Variants in NCKAP5 observed in about 807,000 individuals in gnomAD.
NCKAP5 encodes the protein nck-associated protein 5.
Under a neutral mutation model 167.0 loss-of-function variants are expected in NCKAP5, and 92 were observed. The observed-to-expected ratio is 0.55, with a 90% CI of 0.47 to 0.66. The LOEUF is 0.66. Ranked by LOEUF, NCKAP5 falls within the 30% of genes least tolerant of loss-of-function variation. The pLI is 0.00. For synonymous variants in NCKAP5, 891 were observed against 877.4 expected (o/e 1.02, Z -0.27); for missense variants, 2,378 against 2,315.0 (o/e 1.03, Z -0.56).
chr2:133,168,380 C>T (rs10190263), intron 5 of NCKAP5, among the ~76,000 whole-genome samples: 9,398 of 151,588 alleles, frequency 0.062, 372 homozygotes, highest in East Asian at 0.17. Context: ...AACACTTTCC[C>T]TAATGGACTA....
At chr2:132,738,018 A>C (rs1691682099) in intron 16 of NCKAP5, among the ~76,000 whole-genome samples, 1 of 152,210 alleles carries the variant, frequency 6.6e-6, no homozygotes, top group Non-Finnish European at 1.5e-5. Flanking sequence ...AATGAAAAAC[A>C]ATAAACCTTT....
At chr2:133,073,206 G>C (rs978585524) in intron 6 of NCKAP5, among the ~76,000 whole-genome samples, 1 of 152,046 alleles carries the variant, frequency 6.6e-6, no homozygotes, top group African/African-American at 2.4e-5. Flanking sequence ...GTGTCTGTAG[G>C]CTAGAGTAGA....
chr2:133,527,280 T>C (rs1213975373), intron 2 of NCKAP5: 2 of 152,170 alleles, frequency 1.3e-5, no homozygotes, highest in African/African-American at 2.4e-5. Flanking sequence ...TCCCCACACA[T>C]TGCAGAATTC....
In NCKAP5 at chr2:133,178,800, G is replaced by T. The variant is rs2084594850; in HGVS notation, c.207+34916C>A. 2.1e-5 allele frequency among the ~76,000 whole-genome samples: 3 copies of T among 142,270 alleles called. No homozygotes were observed. In the South Asian group the frequency reaches 6.8e-4, roughly 32 times the overall value. 93.3% of individuals were successfully genotyped at this position (142,270 alleles called of 152,430 possible). A position where few individuals can be genotyped will look rare whatever the true frequency, so the allele number is the denominator to read the frequency against. On this transcript the variant is annotated intron_variant, in intron 5 of 19. Coordinates refer to ENST00000409261, the MANE Select transcript of NCKAP5 (RefSeq NM_207363.3). ...AGATAGCGCCACTGCACTCCAGCCTGGGCAACAGAGCAAGGCAAGACTCCG... is the reference window on the plus strand; with the variant it reads ...AGATAGCGCCACTGCACTCCAGCCTTGGCAACAGAGCAAGGCAAGACTCCG...
chr2:133,394,987 A>G (rs575738517), intron 3 of NCKAP5, among the ~76,000 whole-genome samples: 1 of 152,358 alleles, frequency 6.6e-6, no homozygotes, highest in East Asian at 1.9e-4. Flanking sequence ...AGGTAAAGAA[A>G]ATGTTTAGCA....
intron 3 of NCKAP5, among the ~76,000 whole-genome samples, chr2:133,382,676 G>C (rs775466151): frequency 7.2e-4 from 110 of 152,158 alleles, no homozygotes; most frequent in Non-Finnish European, 1.0e-3. Context: ...CACTGAATAT[G>C]TTACTTCTCA....
At chr2:133,352,269 T>G (rs1684415912) in intron 3 of NCKAP5, among the ~76,000 whole-genome samples, 1 of 152,226 alleles carries the variant, frequency 6.6e-6, no homozygotes. Flanking sequence ...ACTCCCTGAC[T>G]AGAATGGAAG....
At chr2:133,036,046 A>G (rs188095257) in intron 6 of NCKAP5, among the ~76,000 whole-genome samples, 247 of 152,080 alleles carry the variant, frequency 1.6e-3, no homozygotes, top group Admixed American at 2.4e-3. Flanking sequence ...ACTATGAGCA[A>G]CTATATGTCA....
intron 6 of NCKAP5, among the ~76,000 whole-genome samples, chr2:133,012,916 A>G (rs1172614995): frequency 1.3e-5 from 2 of 152,106 alleles, no homozygotes; most frequent in Non-Finnish European, 2.9e-5. Flanking sequence ...CTCTCAGCAC[A>G]TCTACAGGTG....
At chr2:133,570,402 G>A (rs1688820659), upstream of NCKAP5, among the ~76,000 whole-genome samples, 3 of 152,158 alleles carry the variant, frequency 2.0e-5, no homozygotes. Flanking sequence ...CTGACCTATA[G>A]TAGGTGCTCA....
At chr2:133,108,019 T>G (rs189653593) in intron 6 of NCKAP5, among the ~76,000 whole-genome samples, 168 of 152,348 alleles carry the variant, frequency 1.1e-3, no homozygotes, top group African/African-American at 3.8e-3. Context: ...CCTCATGCTA[T>G]TTTTCAAGTT....
At chr2:132,760,845 A>C (rs879484735) in intron 16 of NCKAP5, among the ~76,000 whole-genome samples, 3 of 152,198 alleles carry the variant, frequency 2.0e-5, no homozygotes, top group Non-Finnish European at 4.4e-5. Flanking sequence ...ATCTTAGAAA[A>C]TACTAACCTT....
intron 6 of NCKAP5, among the ~76,000 whole-genome samples, chr2:133,102,644 C>T (rs886545497): frequency 2.0e-5 from 3 of 152,136 alleles, no homozygotes; most frequent in Non-Finnish European, 4.4e-5. Context: ...ACATCTCCCT[C>T]CACTACTTTA....
chr2:132,783,330 T>G lies in NCKAP5; in HGVS notation c.3481A>C (p.Arg1161=), dbSNP rs999654930. The G allele has an allele frequency of 6.2e-7, 1 of 1,613,762 alleles. No homozygotes were observed. The highest frequency in any genetic ancestry group is 1.3e-5 in the African/African-American group (1 of 74,902). ...KVLMKSPQLL[R]KSSTVPGKHE... ...TTCCCTGGCACGGTGGAACTTTTCCTGAGCAGCTGGGGAGACTTCATGAGC... is the reference window on the plus strand; with the variant it reads ...TTCCCTGGCACGGTGGAACTTTTCCGGAGCAGCTGGGGAGACTTCATGAGC... Residue 1161 remains arginine (R), a synonymous_variant, in exon 14 of 20, where the codon AGG becomes CGG. Transcript: ENST00000409261.
rs116552356 is a variant in NCKAP5 at position 133,413,667 on chromosome 2, C to T, written c.69+103791G>A. Among the ~76,000 whole-genome samples, 326 of 152,166 alleles carry T rather than the reference C, an allele frequency of 2.1e-3. 2 individuals are homozygous for T. Among genetic ancestry groups the T allele is most frequent in the African/African-American group, 7.7e-3 (319 of 41,514 alleles). On this transcript the variant is annotated intron_variant, in intron 3 of 19. Transcript: ENST00000409261. ...AGATGTCACATTTTTTAAAAAACCTCATTTTCCAGCTTCTCTTGAGAAGTT... is the reference window on the plus strand; with the variant it reads ...AGATGTCACATTTTTTAAAAAACCTTATTTTCCAGCTTCTCTTGAGAAGTT...
rs747997881 is a variant in NCKAP5, at chr2:132,782,736, T to C, written c.4075A>G (p.Ser1359Gly). 8 of 1,613,984 alleles carry C rather than the reference T, an allele frequency of 5.0e-6. No individual in the cohort carries two copies. In the Middle Eastern group the frequency reaches 1.3e-3, roughly 266 times the overall value. Residue 1359 changes from serine (S) to glycine (G), a missense_variant, in exon 14 of 20, where the codon AGC (serine) becomes GGC (glycine). Transcript: ENST00000409261. ...KGSLGSSGSF[S>G]SQHGSPSKLP... ...TTACTTGGGCTCCCATGCTGACTGCTGAAGCTGCCTGAGCTCCCCAGGGAG... is the reference window on the plus strand; with the variant it reads ...TTACTTGGGCTCCCATGCTGACTGCCGAAGCTGCCTGAGCTCCCCAGGGAG...
At chr2:133,377,418 C>A (rs1686224275) in intron 3 of NCKAP5, among the ~76,000 whole-genome samples, 1 of 152,142 alleles carries the variant, frequency 6.6e-6, no homozygotes, top group Non-Finnish European at 1.5e-5. Context: ...GTGAATGCTG[C>A]AGCAAATAAT....
At chr2:132,788,146 C>T (rs996604480) in intron 13 of NCKAP5, among the ~76,000 whole-genome samples, 1 of 152,212 alleles carries the variant, frequency 6.6e-6, no homozygotes, top group Non-Finnish European at 1.5e-5. Flanking sequence ...ACGAATGCCC[C>T]GTGGGAGTGA....
At chr2:133,233,775 C>T (rs1039430875) in intron 4 of NCKAP5, among the ~76,000 whole-genome samples, 1 of 152,160 alleles carries the variant, frequency 6.6e-6, no homozygotes, top group African/African-American at 2.4e-5. Context: ...TTATTGAATC[C>T]ATACAAATCT....
Sources: gnomAD v4.1 joint callset for allele counts (sites outside exome capture counted in the v4.1 genomes callset) on GRCh38, gnomAD v4.1.1 for gene constraint, MANE v1.5 for transcripts, NCBI Gene and HGNC (gene_info 2026-07-23, HGNC 2026-07-21) for gene names.